Variants in CNTN6 observed in about 807,000 individuals in gnomAD.
The protein encoded by CNTN6 is contactin-6.
CNTN6 carries 137 observed loss-of-function variants against 122.8 expected under a neutral mutation model. That is an observed-to-expected ratio of 1.12 (90% CI 0.97 to 1.29). The LOEUF (loss-of-function observed/expected upper bound fraction) is 1.29, where lower values mean the gene tolerates loss of function less well. Among genes scored for constraint, CNTN6 ranks in the 50% most tolerant of loss-of-function variants. CNTN6 has a pLI of 0.00. For synonymous variants in CNTN6, 570 were observed against 426.0 expected (o/e 1.34, Z -4.16); for missense variants, 1,634 against 1,223.4 (o/e 1.34, Z -5.01).
chr3:1,180,522 C>A (rs2093534452), intron 2 of CNTN6, among the ~76,000 whole-genome samples: 1 of 152,164 alleles, frequency 6.6e-6, no homozygotes, highest in Admixed American at 6.5e-5. Flanking sequence ...TCCAGGTTTA[C>A]TAAATATTTT....
At chr3:1,305,883 C>T (rs1858066) in intron 7 of CNTN6, among the ~76,000 whole-genome samples, 31,015 of 151,978 alleles carry the variant, frequency 0.2, 3,868 homozygotes, top group South Asian at 0.3. Flanking sequence ...GAAGTCTCAC[C>T]ATGATGTTGT....
intron 6 of CNTN6, among the ~76,000 whole-genome samples, chr3:1,296,886 C>T (rs1018421517): frequency 4.6e-5 from 7 of 152,048 alleles, no homozygotes; most frequent in African/African-American, 7.2e-5. Flanking sequence ...TGAGTTTCTG[C>T]TTCTTGCCTT....
chr3:1,235,845 A>G (rs77479913), intron 4 of CNTN6, among the ~76,000 whole-genome samples: 8,533 of 151,574 alleles, frequency 0.056, 339 homozygotes, highest in South Asian at 0.12. Flanking sequence ...GTCTGGAAAT[A>G]GACTCAGTGC....
intron 4 of CNTN6, among the ~76,000 whole-genome samples, chr3:1,255,375 G>A (rs1238827772): frequency 2.0e-5 from 3 of 150,250 alleles, no homozygotes; most frequent in South Asian, 4.2e-4. Context: ...CACGTTTAAA[G>A]CCTATGAAAT....
At chr3:1,361,020 C>T (rs76402789) in intron 12 of CNTN6, among the ~76,000 whole-genome samples, 1 of 152,082 alleles carries the variant, frequency 6.6e-6, no homozygotes. Context: ...GCTTCAATGA[C>T]CAAACTTTAA....
At chr3:1,140,987 T>A (rs1251625735) in intron 1 of CNTN6, among the ~76,000 whole-genome samples, 1 of 152,218 alleles carries the variant, frequency 6.6e-6, no homozygotes, top group Admixed American at 6.5e-5. Context: ...CTACTTGGCC[T>A]AACTTAATGG....
chr3:1,138,878 C>T (rs922705945), intron 1 of CNTN6, among the ~76,000 whole-genome samples: 3 of 151,766 alleles, frequency 2.0e-5, no homozygotes, highest in African/African-American at 7.3e-5. Flanking sequence ...TATGCATCTA[C>T]CTTTTCATTC....
intron 2 of CNTN6, among the ~76,000 whole-genome samples, chr3:1,217,780 G>A (rs1575281521): frequency 6.6e-6 from 1 of 152,184 alleles, no homozygotes; most frequent in Admixed American, 6.5e-5. Context: ...AAGGAAGCAT[G>A]GATGTCCTGC....
intron 20 of CNTN6, among the ~76,000 whole-genome samples, chr3:1,400,461 T>G (rs1024249949): frequency 6.6e-6 from 1 of 150,798 alleles, no homozygotes; most frequent in Non-Finnish European, 1.5e-5. Flanking sequence ...CTTTCATCTC[T>G]TATCTCCCAC....
chr3:1,240,325 G>GA (rs1166056236), intron 4 of CNTN6, among the ~76,000 whole-genome samples: 2 of 151,816 alleles, frequency 1.3e-5, no homozygotes, highest in African/African-American at 2.4e-5. Flanking sequence ...AAATCAGCAA[G>GA]AAAAAAACAA....
intron 11 of CNTN6, 57 bp downstream of exon 11, chr3:1,329,992 T>G (rs9837767): frequency 7.3e-7 from 1 of 1,364,640 alleles, no homozygotes; most frequent in Non-Finnish European, 9.6e-7. Context: ...ATCTTCCAAA[T>G]TTTTAGGTTT....
chr3:1,172,808 T>C (rs1432970269), intron 2 of CNTN6, among the ~76,000 whole-genome samples: 1 of 152,234 alleles, frequency 6.6e-6, no homozygotes, highest in African/African-American at 2.4e-5. Context: ...AGGTTCTATC[T>C]ATAGCCCTGT....
chr3:1,384,550 G>C (rs1425070169), intron 19 of CNTN6, among the ~76,000 whole-genome samples: 1 of 148,152 alleles, frequency 6.7e-6, no homozygotes, highest in Non-Finnish European at 1.5e-5. Flanking sequence ...AGGGAAAGTT[G>C]TTCATCACTC....
Position 1,402,393 on chromosome 3 carries a change from C to T in CNTN6, c.2893C>T (p.Pro965Ser), listed in dbSNP as rs765230834. 6.2e-7 allele frequency: 1 copy of T among 1,612,328 alleles called. No homozygotes were observed. The highest frequency in any genetic ancestry group is 1.1e-5 in the South Asian group (1 of 90,950). ...CAATACATCAGCTGAGCTTCTGGTT[C>T]CATTTGAAGAAGACTACTTAATTGA... ...TNNTSAELLV[P>S]FEEDYLIEIR... is the part of the protein sequence containing the mutation. Residue 965 changes from proline to serine, a missense_variant, in exon 22 of 23, where the codon CCA (proline) becomes TCA (serine). Transcript: ENST00000446702.
At chr3:1,330,502 C>T (rs771550900) in intron 11 of CNTN6, among the ~76,000 whole-genome samples, 23 of 151,750 alleles carry the variant, frequency 1.5e-4, no homozygotes, top group Non-Finnish European at 2.7e-4. Context: ...AAAAAAAAGA[C>T]GGGTGTTTTT....
chr3:1,210,849 T>G (rs1235182024), intron 2 of CNTN6, among the ~76,000 whole-genome samples: 1 of 152,230 alleles, frequency 6.6e-6, no homozygotes, highest in African/African-American at 2.4e-5. Flanking sequence ...GTTTTCTTAC[T>G]TCCCTGGTAT....
intron 12 of CNTN6, among the ~76,000 whole-genome samples, chr3:1,354,000 G>T (rs1706115270): frequency 6.6e-6 from 1 of 151,370 alleles, no homozygotes; most frequent in Non-Finnish European, 1.5e-5. Context: ...TCACTCTGGA[G>T]GATAAGAAAA....
intron 4 of CNTN6, among the ~76,000 whole-genome samples, chr3:1,228,607 G>A (rs1025947907): frequency 6.6e-6 from 1 of 152,120 alleles, no homozygotes; most frequent in Non-Finnish European, 1.5e-5. Flanking sequence ...GGACTGAAAT[G>A]TTTCATACTG....
In CNTN6 at chr3:1,264,546, A is replaced by G. The variant is rs551610705; in HGVS notation, c.359-13867A>G. Among the ~76,000 whole-genome samples the G allele has an allele frequency of 3.3e-5, 5 of 152,220 alleles. No homozygotes were observed. In the South Asian group the frequency reaches 8.3e-4, roughly 25 times the overall value. ...GTAACCTATAACTTAAACCAGCTTC[A>G]TCTGTATTTTTAAAATTATTTTTAA... On this transcript the variant is annotated intron_variant, in intron 4 of 22. Transcript: ENST00000446702.
Sources: gnomAD v4.1 joint callset for allele counts (sites outside exome capture counted in the v4.1 genomes callset) on GRCh38, gnomAD v4.1.1 for gene constraint, MANE v1.5 for transcripts, NCBI Gene and HGNC (gene_info 2026-07-23, HGNC 2026-07-21) for gene names.